Variants in ZCCHC7 observed in about 807,000 individuals in gnomAD.
ZCCHC7 encodes the protein zinc finger CCHC domain-containing protein 7.
ZCCHC7 carries 35 observed loss-of-function variants against 52.0 expected under a neutral mutation model. The observed-to-expected ratio is 0.67, with a 90% CI of 0.51 to 0.89. ZCCHC7 has a LOEUF of 0.89. ZCCHC7 is among the 40% of genes least tolerant of loss of function. ZCCHC7 has a pLI of 0.00. For missense variants in ZCCHC7, 574 were observed against 649.1 expected (o/e 0.88, Z 1.26); for synonymous variants, 217 against 221.5 (o/e 0.98, Z 0.18).
At chr9:37,294,067 T>C (rs1333915275) in intron 2 of ZCCHC7, among the ~76,000 whole-genome samples, 2 of 152,208 alleles carry the variant, frequency 1.3e-5, no homozygotes, top group Non-Finnish European at 2.9e-5. Flanking sequence ...TTGCCACTTA[T>C]ACAGTGAAAA....
intron 5 of ZCCHC7, among the ~76,000 whole-genome samples, chr9:37,315,907 A>AG (rs1310442319): frequency 1.4e-5 from 2 of 147,540 alleles, no homozygotes; most frequent in African/African-American, 5.0e-5. Flanking sequence ...GTGGGTAGCA[A>AG]GGGTGATGAA....
At chr9:37,304,612 C>T (rs1829213292) in intron 4 of ZCCHC7, among the ~76,000 whole-genome samples, 2 of 150,972 alleles carry the variant, frequency 1.3e-5, no homozygotes, top group South Asian at 4.2e-4. Context: ...ACAGAGATCA[C>T]ACCATTGCAC....
intron 6 of ZCCHC7, among the ~76,000 whole-genome samples, chr9:37,348,009 A>G (rs1020892991): frequency 2.0e-5 from 3 of 152,138 alleles, no homozygotes; most frequent in African/African-American, 7.2e-5. Flanking sequence ...TGATGTCTTC[A>G]GGGTTCCTTC....
chr9:37,143,788 G>A (rs187452675), intron 2 of ZCCHC7, among the ~76,000 whole-genome samples: 10 of 151,666 alleles, frequency 6.6e-5, no homozygotes, highest in African/African-American at 1.7e-4. Flanking sequence ...AGAGTGCCTC[G>A]AGGCTGATTG....
At chr9:37,134,753 T>A (rs1461431823) in intron 2 of ZCCHC7, among the ~76,000 whole-genome samples, 4 of 152,180 alleles carry the variant, frequency 2.6e-5, no homozygotes, top group African/African-American at 9.6e-5. Flanking sequence ...GAGACGGAAT[T>A]TCGCTCTTGT....
chr9:37,209,314 A>G (rs925629733), intron 2 of ZCCHC7, among the ~76,000 whole-genome samples: 5 of 152,072 alleles, frequency 3.3e-5, no homozygotes, highest in African/African-American at 1.2e-4. Context: ...TGCTGGGATT[A>G]CAGGCATGAG....
intron 2 of ZCCHC7, among the ~76,000 whole-genome samples, chr9:37,234,774 A>G (rs1482117570): frequency 6.6e-6 from 1 of 152,224 alleles, no homozygotes; most frequent in Non-Finnish European, 1.5e-5. Context: ...AGCTTCAAAG[A>G]TTCTTCCAGG....
intron 6 of ZCCHC7, among the ~76,000 whole-genome samples, chr9:37,347,403 G>A (rs1821055662): frequency 6.6e-6 from 1 of 152,138 alleles, no homozygotes; most frequent in African/African-American, 2.4e-5. Flanking sequence ...TAATAGGTTA[G>A]TGCAAAGGTA....
chr9:37,195,879 T>C (rs983286243), intron 2 of ZCCHC7, among the ~76,000 whole-genome samples: 2 of 152,184 alleles, frequency 1.3e-5, no homozygotes, highest in Non-Finnish European at 2.9e-5. Flanking sequence ...GTCACCACGA[T>C]TTAATGACTT....
chr9:37,181,488 A>G (rs1822350573), intron 2 of ZCCHC7, among the ~76,000 whole-genome samples: 1 of 152,250 alleles, frequency 6.6e-6, no homozygotes, highest in Non-Finnish European at 1.5e-5. Flanking sequence ...CAGTTGATAA[A>G]TTGACATACA....
chr9:37,357,431 T>C lies in ZCCHC7; in HGVS notation c.*163T>C. The C allele has an allele frequency of 1.7e-6, 1 of 572,232 alleles. No individual in the cohort carries two copies. Among genetic ancestry groups the C allele is most frequent in the Non-Finnish European group, 2.8e-6 (1 of 353,160 alleles). The allele number at this position is 572,232 out of a possible 1,614,324, so 35.4% of individuals were successfully genotyped here. ...GAGTTACTGAATATCCATGGAGATC[T>C]CAATTCTCTGTGTCCAACAGGATAT... On this transcript the variant is annotated 3_prime_UTR_variant, in exon 9 of 9. Transcript: ENST00000336755.
chr9:37,140,872 A>G (rs1220909588), intron 2 of ZCCHC7, among the ~76,000 whole-genome samples: 2 of 152,028 alleles, frequency 1.3e-5, no homozygotes, highest in Non-Finnish European at 2.9e-5. Context: ...GATTATTTAA[A>G]CATAGAAGGA....
chr9:37,289,695 C>T (rs527491537), intron 2 of ZCCHC7, among the ~76,000 whole-genome samples: 1 of 152,116 alleles, frequency 6.6e-6, no homozygotes, highest in African/African-American at 2.4e-5. Flanking sequence ...ATTACTCTTA[C>T]GAGTTTTTGT....
At chr9:37,195,517 A>G (rs1823246076) in intron 2 of ZCCHC7, among the ~76,000 whole-genome samples, 1 of 152,132 alleles carries the variant, frequency 6.6e-6, no homozygotes, top group Non-Finnish European at 1.5e-5. Flanking sequence ...CAGTTTAATG[A>G]GTGGGAAGAT....
intron 6 of ZCCHC7, among the ~76,000 whole-genome samples, chr9:37,343,051 A>G (rs1258688243): frequency 6.6e-6 from 1 of 152,242 alleles, no homozygotes; most frequent in Non-Finnish European, 1.5e-5. Flanking sequence ...GTACATGCGC[A>G]TAGCCATACA....
At chr9:37,192,762 A>G (rs1823083486) in intron 2 of ZCCHC7, among the ~76,000 whole-genome samples, 1 of 152,104 alleles carries the variant, frequency 6.6e-6, no homozygotes, top group Admixed American at 6.5e-5. Flanking sequence ...GTCATCCCCA[A>G]CACCTGTCTA....
chr9:37,305,423 A>G (rs1260303286), intron 4 of ZCCHC7, 121 bp from the exon 5 acceptor site: 2 of 1,197,356 alleles, frequency 1.7e-6, no homozygotes, highest in African/African-American at 3.1e-5. Flanking sequence ...TGTGCTCAGG[A>G]TTCTACCTTT....
chr9:37,164,457 ATAG>A (rs1821296901), intron 2 of ZCCHC7, among the ~76,000 whole-genome samples: 1 of 138,306 alleles, frequency 7.2e-6, no homozygotes, highest in Non-Finnish European at 1.5e-5. Flanking sequence ...AGATAGATAG[ATAG>A]ATAGATAGAT....
intron 5 of ZCCHC7, among the ~76,000 whole-genome samples, chr9:37,308,344 G>GTT (rs368275429): frequency 4.1e-5 from 6 of 147,110 alleles, no homozygotes; most frequent in Non-Finnish European, 7.5e-5. Flanking sequence ...AATAGCATCT[G>GTT]TTTTTTTTTT....
Sources: gnomAD v4.1 joint callset for allele counts (sites outside exome capture counted in the v4.1 genomes callset) on GRCh38, gnomAD v4.1.1 for gene constraint, MANE v1.5 for transcripts, NCBI Gene and HGNC (gene_info 2026-07-23, HGNC 2026-07-21) for gene names.